ZNF654: variants seen among roughly 807,000 people sequenced by gnomAD.
ZNF654 encodes melanoma-associated antigen.
ZNF654 carries 19 observed loss-of-function variants against 95.3 expected under a neutral mutation model. The observed-to-expected ratio is 0.20, with a 90% CI of 0.14 to 0.29. The LOEUF (loss-of-function observed/expected upper bound fraction) is 0.29, where lower values mean the gene tolerates loss of function less well. Ranked by LOEUF, ZNF654 falls within the 10% of genes least tolerant of loss-of-function variation. The pLI is 1.00. For synonymous variants in ZNF654, 413 were observed against 457.9 expected (o/e 0.90, Z 1.25); for missense variants, 1,046 against 1,341.0 (o/e 0.78, Z 3.44).
Position 88,096,535 on chromosome 3 carries a change from A to G in ZNF654, c.332+10133A>G, listed in dbSNP as rs199681334. On this transcript the variant is annotated intron_variant, in intron 2 of 8. Coordinates refer to ENST00000636215, the MANE Select transcript of ZNF654 (RefSeq NM_001350134.2). ...CCCAAAGACCTTTGTTTTGGAAGAC[A>G]TTTCCACTGATTATTGAATTTTAGA... Among the ~76,000 whole-genome samples, 19 of 152,146 alleles carry G rather than the reference A, an allele frequency of 1.2e-4. No individual in the cohort carries two copies. The East Asian group carries it at 3.5e-3, about 28-fold the overall frequency.
At chr3:88,117,533 A>G (rs564436683) in intron 3 of ZNF654, among the ~76,000 whole-genome samples, 72 of 152,338 alleles carry the variant, frequency 4.7e-4, no homozygotes, top group African/African-American at 1.4e-3. Flanking sequence ...TCAGGACAAC[A>G]AAGTAGTATG....
chr3:88,102,673 A>T (rs6551270), intron 2 of ZNF654, among the ~76,000 whole-genome samples: 142,980 of 152,198 alleles, frequency 0.94, 67,706 homozygotes, highest in Non-Finnish European at 1. Context: ...AGTGGTGCAC[A>T]GAAGGTCATG....
rs1243944435 is a variant in ZNF654, at chr3:88,143,103, G to C, written c.*1451G>C. On this transcript the variant is annotated 3_prime_UTR_variant, in exon 9 of 9. Transcript: ENST00000636215. The stretch of plus-strand genomic sequence containing the variant: ...AATAATAAAATCTTTGTTCAAGGCA[G>C]ATAATCTCATCAGACCCTATTAGAG... 6.6e-6 allele frequency: 1 copy of C among 152,244 alleles called. No homozygotes were observed. The highest frequency in any genetic ancestry group is 2.4e-5 in the African/African-American group (1 of 41,412). The allele number at this position is 152,244 out of a possible 1,614,324, so 9.4% of individuals were successfully genotyped here.
rs528897644 is a variant in ZNF654, at chr3:88,143,316, T to G, written c.*1664T>G. ...TAAGTCCATTCCAAATTTAAATTTGTTTCTGTTATGTAGCCTATATTAGGC... is the reference window on the plus strand; with the variant it reads ...TAAGTCCATTCCAAATTTAAATTTGGTTCTGTTATGTAGCCTATATTAGGC... On this transcript the variant is annotated 3_prime_UTR_variant, in exon 9 of 9. Coordinates refer to ENST00000636215, the MANE Select transcript of ZNF654 (RefSeq NM_001350134.2). 6 of 152,326 alleles carry G rather than the reference T, an allele frequency of 3.9e-5. No homozygotes were observed. In the South Asian group the frequency reaches 6.2e-4, roughly 16 times the overall value. 9.4% of individuals were successfully genotyped at this position (152,326 alleles called of 1,614,324 possible).
intron 6 of ZNF654, among the ~76,000 whole-genome samples, chr3:88,130,381 CAATTA>C (rs1243680066): frequency 2.0e-5 from 3 of 152,030 alleles, no homozygotes; most frequent in Admixed American, 6.6e-5. Flanking sequence ...TTTAAATTCT[CAATTA>C]AATTAATAGC....
chr3:88,137,570 A>T (rs1706874901), intron 7 of ZNF654, among the ~76,000 whole-genome samples: 2 of 152,164 alleles, frequency 1.3e-5, no homozygotes, highest in Admixed American at 6.5e-5. Context: ...GATATTTATA[A>T]AACAAAATTG....
rs35595112 is a variant in ZNF654 at position 88,109,142 on chromosome 3, AGTGT to A, written c.333-3938_333-3935del. Among the ~76,000 whole-genome samples, 433 of 142,518 alleles carry A rather than the reference AGTGT, an allele frequency of 3.0e-3. 1 individual carries two copies. Among genetic ancestry groups the A allele is most frequent in the East Asian group, 0.011 (51 of 4,834 alleles). 93.5% of individuals were successfully genotyped at this position (142,518 alleles called of 152,430 possible). ...TATCCCCTGTGGATAAGTGGGCACT[AGTGT>A]GTGTGTGTGTGTGTGTGTGTGTGTG... On this transcript the variant is annotated intron_variant, in intron 2 of 8. Transcript: ENST00000636215.
intron 1 of ZNF654, among the ~76,000 whole-genome samples, chr3:88,068,977 T>C (rs1707352812): frequency 6.6e-6 from 1 of 152,148 alleles, no homozygotes; most frequent in Admixed American, 6.5e-5. Context: ...ATATTTGATA[T>C]ATACTGTAGC....
chr3:88,132,190 C>T (rs886113601), intron 6 of ZNF654, among the ~76,000 whole-genome samples: 5 of 151,984 alleles, frequency 3.3e-5, no homozygotes, highest in Non-Finnish European at 7.4e-5. Flanking sequence ...AGGCAGTCTT[C>T]CAGCCTCTGC....
At chr3:88,083,828 G>A (rs1380902901) in intron 1 of ZNF654, among the ~76,000 whole-genome samples, 1 of 152,008 alleles carries the variant, frequency 6.6e-6, no homozygotes, top group East Asian at 1.9e-4. Context: ...GAAAGATGTG[G>A]TGCTTACTGC....
At chr3:88,063,345 T>C (rs1339033764) in intron 1 of ZNF654, among the ~76,000 whole-genome samples, 12 of 152,184 alleles carry the variant, frequency 7.9e-5, no homozygotes, top group African/African-American at 2.7e-4. Context: ...TTAATGATCC[T>C]CAAATAGTTT....
chr3:88,068,409 C>T (rs1228442801), intron 1 of ZNF654, among the ~76,000 whole-genome samples: 2 of 152,016 alleles, frequency 1.3e-5, no homozygotes, highest in African/African-American at 4.8e-5. Context: ...TATTAATAGA[C>T]AGGTGCACAA....
intron 1 of ZNF654, among the ~76,000 whole-genome samples, 198 bp downstream of exon 1, chr3:88,059,703 T>G (rs1456493895): frequency 6.6e-6 from 1 of 151,890 alleles, no homozygotes; most frequent in Non-Finnish European, 1.5e-5. Flanking sequence ...ACCCACGGGC[T>G]TAGGGTTGCT....
At chr3:88,072,317 G>C (rs115772298) in intron 1 of ZNF654, among the ~76,000 whole-genome samples, 2,840 of 152,232 alleles carry the variant, frequency 0.019, 95 homozygotes, top group African/African-American at 0.064. Flanking sequence ...TTACACAGCA[G>C]TCAATGTGAT....
At chr3:88,124,976 G>GCAAA (rs1706003291) in intron 3 of ZNF654, among the ~76,000 whole-genome samples, 2 of 152,078 alleles carry the variant, frequency 1.3e-5, no homozygotes, top group Admixed American at 6.6e-5. Flanking sequence ...AGCACTTTGG[G>GCAAA]AGGCCGAGGC....
At chr3:88,129,934 A>T (rs577183203) in intron 6 of ZNF654, 108 bp downstream of exon 6, 57 of 951,454 alleles carry the variant, frequency 6.0e-5, no homozygotes, top group South Asian at 1.1e-4. Context: ...AGCTACTTTT[A>T]AAAAAAAATT....
rs755838999 is a variant in ZNF654 at position 88,139,687 on chromosome 3, T to C, written c.2018T>C (p.Ile673Thr). The change falls in exon 8 of 9, where the codon ATT becomes ACT. Residue 673 changes from isoleucine (I) to threonine (T), a missense_variant. This residue lies in a region of ZNF654 where 495 missense variants were observed against 537.0 expected (regional missense o/e 0.92). Coordinates refer to ENST00000636215, the MANE Select transcript of ZNF654 (RefSeq NM_001350134.2). The stretch of plus-strand genomic sequence containing the variant: ...CCCATAAGTGTACCAGAAGATGTTA[T>C]TGAAAATGTTATTGAAAATGGCAGT... ...EIPISVPEDV[I>T]ENVIENGSPN... The C allele has an allele frequency of 1.9e-6, 3 of 1,595,534 alleles. 1 individual carries two copies. The highest frequency in any genetic ancestry group is 2.2e-5 in the South Asian group (2 of 88,994).
At chr3:88,113,455 C>T (rs938251143) in intron 3 of ZNF654, among the ~76,000 whole-genome samples, 3 of 152,268 alleles carry the variant, frequency 2.0e-5, no homozygotes, top group Admixed American at 2.0e-4. Context: ...TTGTGGATTC[C>T]TAGAACTTAG....
Position 88,140,448 on chromosome 3 carries a change from T to C in ZNF654, c.2779T>C (p.Cys927Arg), listed in dbSNP as rs1487607145. 1 of 1,613,408 alleles carries C rather than the reference T, an allele frequency of 6.2e-7. No individual in the cohort carries two copies. The highest frequency in any genetic ancestry group is 8.5e-7 in the Non-Finnish European group (1 of 1,179,702). ...GAAAGAGTCTACAGAACCAAAGACA[T>C]GTATAGAAAGTATGGAAAAGAAAAC... ...SRKESTEPKTCIESMEKKTDS... is the reference protein window; with the variant it reads ...SRKESTEPKTRIESMEKKTDS... The change falls in exon 8 of 9, where the codon TGT becomes CGT. Residue 927 changes from cysteine to arginine, a missense_variant. Cys to Arg is a radical substitution (Grantham distance 180). Coordinates refer to ENST00000636215, the MANE Select transcript of ZNF654 (RefSeq NM_001350134.2).
Sources: gnomAD v4.1 joint callset for allele counts (sites outside exome capture counted in the v4.1 genomes callset) on GRCh38, gnomAD v4.1.1 for gene constraint, gnomAD v4.1.1 regional missense constraint, MANE v1.5 for transcripts, NCBI Gene and HGNC (gene_info 2026-07-23, HGNC 2026-07-21) for gene names.